The following C1QBP variants were observed in gnomAD, a reference collection of about 807,000 sequenced individuals.
The protein encoded by C1QBP is complement component 1 Q subcomponent-binding protein, mitochondrial.
C1QBP carries 24 observed loss-of-function variants against 29.4 expected under a neutral mutation model. The observed-to-expected ratio is 0.82, with a 90% confidence interval of 0.59 to 1.15. The LOEUF (loss-of-function observed/expected upper bound fraction) is 1.15, where lower values mean the gene tolerates loss of function less well. Among genes scored for constraint, C1QBP ranks in the 50% most tolerant of loss-of-function variants. The probability of loss-of-function intolerance (pLI) is 0.00; values close to 1 mark genes in which losing one functional copy is unlikely to be tolerated. For synonymous variants in C1QBP, 182 were observed against 149.2 expected (o/e 1.22, Z -1.60); for missense variants, 337 against 355.8 (o/e 0.95, Z 0.43).
chr17:5,435,874 C>CAAAAAAAAA (rs200057698), intron 2 of C1QBP, among the ~76,000 whole-genome samples: 431 of 105,480 alleles, frequency 4.1e-3, no homozygotes, highest in Non-Finnish European at 5.0e-3. Flanking sequence ...CTAAAAAATA[C>CAAAAAAAAA]AAAAAAAAAA....
chr17:5,437,044 A>T (rs1916293203), intron 2 of C1QBP, among the ~76,000 whole-genome samples: 1 of 132,124 alleles, frequency 7.6e-6, no homozygotes, highest in African/African-American at 3.1e-5. Flanking sequence ...GACTCCATTT[A>T]TATGAAATGT....
Position 5,438,224 on chromosome 17 carries a change from T to A in C1QBP, c.282A>T (p.Arg94Ser), listed in dbSNP as rs751764056. 6.2e-7 allele frequency: 1 copy of A among 1,614,240 alleles called. No individual in the cohort carries two copies. The highest frequency in any genetic ancestry group is 1.1e-5 in the South Asian group (1 of 91,088). The change falls in exon 2 of 6, where the codon AGA (arginine) becomes AGT (serine). Residue 94 changes from arginine (R) to serine (S), a missense_variant. Coordinates refer to ENST00000225698, the MANE Select transcript of C1QBP (RefSeq NM_001212.4). Reference sequence around the variant, plus strand: ...GGAGGGTTTTATGCTTCTGAATTTTTCTTTCCTCCTTAATTTCATCACTCA... The same window carrying A: ...GGAGGGTTTTATGCTTCTGAATTTTACTTTCCTCCTTAATTTCATCACTCA... ...DFLSDEIKEE[R>S]KIQKHKTLPK...
rs1051976392 is a variant in C1QBP, at chr17:5,438,939, C to T, written c.135G>A (p.Leu45=). The change falls in exon 1 of 6, where the codon CTG becomes CTA. Residue 45 remains leucine (L), a synonymous_variant. Transcript: ENST00000225698. The stretch of plus-strand genomic sequence containing the variant: ...GCTCGGAACCTGCGCGCACGCTGAG[C>T]AGCCCGAAGGGCCGGGTGCACAGCC... ...APRLCTRPFG[L]LSVRAGSERR... is the part of the protein sequence containing the mutation. 3.9e-6 allele frequency: 6 copies of T among 1,529,352 alleles called. No homozygotes were observed. The highest frequency in any genetic ancestry group is 2.3e-4 in the Middle Eastern group (1 of 4,314). The allele number at this position is 1,529,352 out of a possible 1,614,324, so 94.7% of individuals were successfully genotyped here.
Position 5,439,097 on chromosome 17 carries a change from G to GC in C1QBP, c.-25dup. 1 of 1,540,422 alleles carries GC rather than the reference G, an allele frequency of 6.5e-7. No individual in the cohort carries two copies. On this transcript the variant is annotated 5_prime_UTR_variant, in exon 1 of 6. Transcript: ENST00000225698. The stretch of plus-strand genomic sequence containing the variant: ...ATCGCGGAAACGACTGCGAACACGT[G>GC]CAGATGCAAAGGACAACCCAGGCCT...
chr17:5,433,509 A>G (rs1386282152), intron 4 of C1QBP, 94 bp from the exon 5 acceptor site: 1 of 1,564,012 alleles, frequency 6.4e-7, no homozygotes, highest in Non-Finnish European at 8.8e-7. Context: ...GAAACTCATC[A>G]GGTTTTAACC....
chr17:5,439,142 G>A lies in C1QBP; in HGVS notation c.-69C>T. Reference sequence around the variant, plus strand: ...AGGCCTAGGCGCCCCGCGACCTGAGGCGCCGCCGGAAGCCCCGCCCCTGCC... The same window carrying A: ...AGGCCTAGGCGCCCCGCGACCTGAGACGCCGCCGGAAGCCCCGCCCCTGCC... On this transcript the variant is annotated 5_prime_UTR_variant, in exon 1 of 6. Transcript: ENST00000225698. 5 of 1,525,936 alleles carry A rather than the reference G, an allele frequency of 3.3e-6. No homozygotes were observed. Among genetic ancestry groups the A allele is most frequent in the Non-Finnish European group, 4.4e-6 (5 of 1,136,332 alleles). The allele number at this position is 1,525,936 out of a possible 1,614,324, so 94.5% of individuals were successfully genotyped here.
chr17:5,438,016 T>A (rs1916320865), intron 2 of C1QBP, 107 bp downstream of exon 2: 1 of 1,397,220 alleles, frequency 7.2e-7, no homozygotes. Flanking sequence ...GAAACCCATT[T>A]ATCAAAGTAT....
chr17:5,439,049 G>T lies in C1QBP; in HGVS notation c.25C>A (p.Pro9Thr). The change falls in exon 1 of 6, where the codon CCC becomes ACC. Residue 9 changes from proline to threonine, a missense_variant. Pro to Thr is a conservative substitution (Grantham distance 38). Transcript: ENST00000225698. The part of the protein sequence containing the change: MLPLLRCV[P>T]RVLGSSVAGL... ...GCGACGGAGGAGCCCAGCACACGGGGCACGCAGCGCAGCAGAGGCAGCATC... is the reference window on the plus strand; with the variant it reads ...GCGACGGAGGAGCCCAGCACACGGGTCACGCAGCGCAGCAGAGGCAGCATC... 1 of 1,530,594 alleles carries T rather than the reference G, an allele frequency of 6.5e-7. No homozygotes were observed. Among genetic ancestry groups the T allele is most frequent in the Non-Finnish European group, 8.8e-7 (1 of 1,139,236 alleles). The allele number at this position is 1,530,594 out of a possible 1,614,324, so 94.8% of individuals were successfully genotyped here. A position where few individuals can be genotyped will look rare whatever the true frequency, so the allele number is the denominator to read the frequency against.
At chr17:5,434,732 C>A (rs1032842470) in intron 3 of C1QBP, 141 bp downstream of exon 3, 3 of 633,834 alleles carry the variant, frequency 4.7e-6, no homozygotes, top group African/African-American at 3.8e-5. Context: ...TCCCAAAGTG[C>A]TGGGATTATA....
At chr17:5,437,739 C>T (rs2151677839) in intron 2 of C1QBP, among the ~76,000 whole-genome samples, 1 of 152,314 alleles carries the variant, frequency 6.6e-6, no homozygotes, top group South Asian at 2.1e-4. Flanking sequence ...AGGTCACAAA[C>T]TCCCCACCTC....
chr17:5,439,139 G>A lies in C1QBP; in HGVS notation c.-66C>T, dbSNP rs1916359523. 1 of 1,527,006 alleles carries A rather than the reference G, an allele frequency of 6.5e-7. No individual in the cohort carries two copies. 94.6% of individuals were successfully genotyped at this position (1,527,006 alleles called of 1,614,324 possible). A position where few individuals can be genotyped will look rare whatever the true frequency, so the allele number is the denominator to read the frequency against. On this transcript the variant is annotated 5_prime_UTR_variant, in exon 1 of 6. Transcript: ENST00000225698. ...CCCAGGCCTAGGCGCCCCGCGACCT[G>A]AGGCGCCGCCGGAAGCCCCGCCCCT...
At position 5,438,215 on chromosome 17, in the gene C1QBP, C is replaced by A; in HGVS notation, c.291G>T (p.Gln97His). 6.2e-7 allele frequency: 1 copy of A among 1,614,136 alleles called. No individual in the cohort carries two copies. The highest frequency in any genetic ancestry group is 1.3e-5 in the African/African-American group (1 of 75,048). ...SDEIKEERKIQKHKTLPKMSG... is the reference protein window; with the variant it reads ...SDEIKEERKIHKHKTLPKMSG... ...ACATCTTAGGGAGGGTTTTATGCTTCTGAATTTTTCTTTCCTCCTTAATTT... is the reference window on the plus strand; with the variant it reads ...ACATCTTAGGGAGGGTTTTATGCTTATGAATTTTTCTTTCCTCCTTAATTT... The change falls in exon 2 of 6, where the codon CAG (glutamine) becomes CAT (histidine). Residue 97 changes from glutamine (Q) to histidine (H), a missense_variant. By Grantham distance (24) the Gln-to-His change is conservative (BLOSUM62 0). Coordinates refer to ENST00000225698, the MANE Select transcript of C1QBP (RefSeq NM_001212.4).
intron 1 of C1QBP, chr17:5,438,522 A>C (rs1434070310): frequency 2.9e-6 from 2 of 699,456 alleles, no homozygotes; most frequent in African/African-American, 3.6e-5. Context: ...GAGAATTTCC[A>C]ATCCTCTTCC....
rs202098683 is a variant in C1QBP at position 5,433,728 on chromosome 17, T to A, written c.517A>T (p.Ile173Leu). Residue 173 changes from isoleucine (I) to leucine (L), a missense_variant, in exon 4 of 6, where the codon ATA (isoleucine) becomes TTA (leucine). Transcript: ENST00000225698. ...TSTPNFVVEV[I>L]KNDDGKKALV... ...GCCTTCTTGCCATCATCATTCTTTA[T>A]AACTTCAACCACGAAATTGGGAGTT... 6.2e-7 allele frequency: 1 copy of A among 1,614,256 alleles called. No homozygotes were observed. Among genetic ancestry groups the A allele is most frequent in the Non-Finnish European group, 8.5e-7 (1 of 1,180,046 alleles).
chr17:5,439,119 G>T lies in C1QBP; in HGVS notation c.-46C>A. On this transcript the variant is annotated 5_prime_UTR_variant, in exon 1 of 6. Transcript: ENST00000225698. ...CGTGCAGATGCAAAGGACAACCCAG[G>T]CCTAGGCGCCCCGCGACCTGAGGCG... The T allele has an allele frequency of 6.5e-7, 1 of 1,535,214 alleles. No individual in the cohort carries two copies. The highest frequency in any genetic ancestry group is 8.8e-7 in the Non-Finnish European group (1 of 1,140,950).
Position 5,438,964 on chromosome 17 carries a change from C to A in C1QBP, c.110G>T (p.Arg37Leu). 1 of 1,502,378 alleles carries A rather than the reference C, an allele frequency of 6.7e-7. No homozygotes were observed. The allele number at this position is 1,502,378 out of a possible 1,614,324, so 93.1% of individuals were successfully genotyped here. Residue 37 changes from arginine (R) to leucine (L), a missense_variant, in exon 1 of 6, where the codon CGG becomes CTG. Transcript: ENST00000225698. ...PFRQLLQPAP[R>L]LCTRPFGLLS... ...CAGCCCGAAGGGCCGGGTGCACAGCCGGGGTGCCGGCTGCAGGAGCTGCCG... is the reference window on the plus strand; with the variant it reads ...CAGCCCGAAGGGCCGGGTGCACAGCAGGGGTGCCGGCTGCAGGAGCTGCCG...
At chr17:5,436,644 G>C (rs1226622095) in intron 2 of C1QBP, among the ~76,000 whole-genome samples, 1 of 151,688 alleles carries the variant, frequency 6.6e-6, no homozygotes, top group African/African-American at 2.4e-5. Context: ...AAACCCACAA[G>C]ATGGGAAACA....
At position 5,438,988 on chromosome 17, in the gene C1QBP, C is replaced by A. The variant is rs879264497; in HGVS notation, c.86G>T (p.Arg29Leu). The A allele has an allele frequency of 4.0e-6, 6 of 1,502,758 alleles. No individual in the cohort carries two copies. Among genetic ancestry groups the A allele is most frequent in the Non-Finnish European group, 5.3e-6 (6 of 1,128,334 alleles). The allele number at this position is 1,502,758 out of a possible 1,614,324, so 93.1% of individuals were successfully genotyped here. Residue 29 changes from arginine to leucine, a missense_variant, in exon 1 of 6, where the codon CGG becomes CTG. Coordinates refer to ENST00000225698, the MANE Select transcript of C1QBP (RefSeq NM_001212.4). ...LRAAAPASPF[R>L]QLLQPAPRLC... ...CCGGGGTGCCGGCTGCAGGAGCTGC[C>A]GGAAAGGCGAGGCGGGCGCGGCAGC...
intron 2 of C1QBP, among the ~76,000 whole-genome samples, chr17:5,437,680 A>G (rs41315138): frequency 2.6e-4 from 39 of 152,376 alleles, no homozygotes; most frequent in Middle Eastern, 3.4e-3. Flanking sequence ...TATAATGCAG[A>G]AAAGTGTAAA....
Sources: allele counts gnomAD v4.1 joint callset (sites outside exome capture counted in the v4.1 genomes callset), GRCh38; gene constraint gnomAD v4.1.1; transcripts MANE v1.5; gene names NCBI Gene and HGNC (gene_info 2026-07-23, HGNC 2026-07-21).